Variants in SAMD8 observed in about 807,000 individuals in gnomAD.
SAMD8 encodes sterile alpha motif domain containing 8.
A neutral mutation model predicts 42.0 loss-of-function variants in SAMD8; 20 were observed. The ratio of observed to expected loss-of-function variants is 0.48; its 90% CI spans 0.34 to 0.69. The LOEUF is 0.69. Among genes scored for constraint, SAMD8 ranks in the 30% least tolerant of loss-of-function variants. The pLI, the probability that SAMD8 is intolerant of heterozygous loss-of-function variation, is 0.01. For synonymous variants in SAMD8, 162 were observed against 173.0 expected, an observed-to-expected ratio of 0.94 and a Z score of 0.50; for missense variants, 328 against 511.6, an observed-to-expected ratio of 0.64 and a Z score of 3.46.
chr10:75,147,619 G>A (rs560073116), intron 1 of SAMD8, among the ~76,000 whole-genome samples: 2 of 152,132 alleles, frequency 1.3e-5, no homozygotes, highest in African/African-American at 2.4e-5. Context: ...CACCATGCCC[G>A]GCTGGCTTTG....
chr10:75,111,608 G>GC, upstream of SAMD8: 1 of 1,249,436 alleles, frequency 8.0e-7, no homozygotes, highest in South Asian at 3.4e-5. Flanking sequence ...CCCGGGCTCC[G>GC]CCCCCGCCGC....
intron 4 of SAMD8, among the ~76,000 whole-genome samples, chr10:75,169,169 CAAAAAAAAAAAAA>C (rs1023080854): frequency 3.3e-5 from 1 of 30,236 alleles, no homozygotes. Context: ...GACTCCATCT[CAAAAAAAAAAAAA>C]AAAAAAAAAA....
intron 1 of SAMD8, among the ~76,000 whole-genome samples, chr10:75,149,479 C>A (rs184587087): frequency 4.6e-5 from 7 of 152,200 alleles, no homozygotes; most frequent in Admixed American, 4.6e-4. Flanking sequence ...CTATTCAGTT[C>A]TATAATGTAA....
At chr10:75,103,645 A>T (rs1440436823) in intron 1 of SAMD8, among the ~76,000 whole-genome samples, 5 of 152,208 alleles carry the variant, frequency 3.3e-5, no homozygotes, top group Non-Finnish European at 5.9e-5. Flanking sequence ...TGGTGGGAAC[A>T]GGGCACACCC....
chr10:75,118,604 G>A (rs576216818), intron 1 of SAMD8, among the ~76,000 whole-genome samples: 130 of 152,270 alleles, frequency 8.5e-4, no homozygotes, highest in South Asian at 8.1e-3. Context: ...AGATCACGCC[G>A]CTGCATTCCA....
chr10:75,137,024 C>T (rs1051485547), intron 1 of SAMD8, among the ~76,000 whole-genome samples: 2 of 152,208 alleles, frequency 1.3e-5, no homozygotes, highest in East Asian at 1.9e-4. Flanking sequence ...TATGGTGACT[C>T]CTCAAAAAAT....
At chr10:75,169,169 CAAAA>C (rs1023080854) in intron 4 of SAMD8, among the ~76,000 whole-genome samples, 9 of 30,236 alleles carry the variant, frequency 3.0e-4, no homozygotes, top group African/African-American at 1.1e-3. Context: ...GACTCCATCT[CAAAA>C]AAAAAAAAAA....
At chr10:75,162,906 A>C (rs1840591268) in intron 2 of SAMD8, among the ~76,000 whole-genome samples, 1 of 152,082 alleles carries the variant, frequency 6.6e-6, no homozygotes, top group South Asian at 2.1e-4. Context: ...AAAGTTGTAC[A>C]AGAGAGGAAT....
chr10:75,162,879 G>C (rs1840590379), intron 2 of SAMD8, among the ~76,000 whole-genome samples: 1 of 152,048 alleles, frequency 6.6e-6, no homozygotes, highest in Non-Finnish European at 1.5e-5. Flanking sequence ...GAATTTATTA[G>C]CTCCAGAGAA....
chr10:75,108,495 C>T (rs1848656494), upstream of SAMD8, among the ~76,000 whole-genome samples: 1 of 152,180 alleles, frequency 6.6e-6, no homozygotes, highest in African/African-American at 2.4e-5. Flanking sequence ...ATTGCTTCAG[C>T]CCTGGAACCT....
At position 75,104,471 on chromosome 10, in the gene SAMD8, G is replaced by A. The variant is rs377588925; in HGVS notation, c.-16+4743G>A. On this transcript the variant is annotated intron_variant, in intron 1 of 3. Transcript: ENST00000447533. ...CTATCCAACTTCCCCAAAGTCAGCT[G>A]CCTGATGGGAAAGATGCTGAGGTCA... is the stretch of plus-strand genomic sequence containing the variant. Among the ~76,000 whole-genome samples, 41 of 152,290 alleles carry A rather than the reference G, an allele frequency of 2.7e-4. No individual in the cohort carries two copies. In the East Asian group the frequency reaches 7.5e-3, roughly 28 times the overall value.
intron 1 of SAMD8, among the ~76,000 whole-genome samples, chr10:75,146,812 C>G (rs1346813953): frequency 6.6e-6 from 1 of 152,096 alleles, no homozygotes; most frequent in Non-Finnish European, 1.5e-5. Context: ...CCTGTAATTC[C>G]TTTGGTACAA....
Position 75,127,377 on chromosome 10 carries a change from G to C in SAMD8, c.-16+15655G>C, listed in dbSNP as rs1307324411. Among the ~76,000 whole-genome samples, 8 of 152,264 alleles carry C rather than the reference G, an allele frequency of 5.3e-5. No individual in the cohort carries two copies. In the Middle Eastern group the frequency reaches 0.02, roughly 388 times the overall value. On this transcript the variant is annotated intron_variant, in intron 1 of 5. Transcript: ENST00000542569. ...ACTTTAAAATGAGATTGCCTAGGTT[G>C]AACAGTTCTCTGTACTACTTGCTAG...
Position 75,150,076 on chromosome 10 carries a change from A to ATC in SAMD8, c.-15-422_-15-421dup, listed in dbSNP as rs749960015. On this transcript the variant is annotated intron_variant, in intron 1 of 5. Transcript: ENST00000542569. Reference sequence around the variant, plus strand: ...TATGTGTGCGTGTGTGTGTGTGTACATCTCTCTCTCTCTCTCTACATATAT... The same window carrying ATC: ...TATGTGTGCGTGTGTGTGTGTGTACATCTCTCTCTCTCTCTCTCTACATATAT... Among the ~76,000 whole-genome samples the ATC allele has an allele frequency of 6.1e-4, 90 of 147,782 alleles. 1 individual carries two copies. The highest frequency in any genetic ancestry group is 9.6e-4 in the Non-Finnish European group (64 of 66,848).
At chr10:75,103,213 CACATGTAAACTGGTG>C (rs1222070030) in intron 1 of SAMD8, among the ~76,000 whole-genome samples, 2 of 152,234 alleles carry the variant, frequency 1.3e-5, no homozygotes, top group Admixed American at 6.5e-5. Context: ...AGCCAAAAAT[CACATGTAAACTGGTG>C]GCATTGCCAA....
chr10:75,143,003 A>G (rs1254477790), intron 1 of SAMD8, among the ~76,000 whole-genome samples: 4 of 152,162 alleles, frequency 2.6e-5, no homozygotes, highest in Non-Finnish European at 5.9e-5. Flanking sequence ...CCTTACAACA[A>G]GCAAAGTTAA....
At chr10:75,129,623 T>C (rs1448006765) in intron 1 of SAMD8, among the ~76,000 whole-genome samples, 1 of 152,176 alleles carries the variant, frequency 6.6e-6, no homozygotes, top group Admixed American at 6.6e-5. Flanking sequence ...AAAAAGAAGT[T>C]ATATAATCTT....
intron 1 of SAMD8, among the ~76,000 whole-genome samples, chr10:75,135,824 C>T (rs953779382): frequency 3.4e-5 from 5 of 149,034 alleles, no homozygotes; most frequent in South Asian, 4.2e-4. Flanking sequence ...AGACTCCGTC[C>T]GTATCAAAAA....
At position 75,131,914 on chromosome 10, in the gene SAMD8, A is replaced by G. The variant is rs529074976; in HGVS notation, c.-15-18600A>G. On this transcript the variant is annotated intron_variant, in intron 1 of 5. Transcript: ENST00000542569. ...GTGGGGAGCTTTTTAAAAAATGCAG[A>G]TATAAAATTTCTGTCTCTTCTGAGA... is the stretch of plus-strand genomic sequence containing the variant. Among the ~76,000 whole-genome samples, 6 of 152,332 alleles carry G rather than the reference A, an allele frequency of 3.9e-5. No homozygotes were observed. In the East Asian group the frequency reaches 5.8e-4, roughly 15 times the overall value.
Sources: gnomAD v4.1 joint callset for allele counts (sites outside exome capture counted in the v4.1 genomes callset) on GRCh38, gnomAD v4.1.1 for gene constraint, MANE v1.5 for transcripts, NCBI Gene and HGNC (gene_info 2026-07-23, HGNC 2026-07-21) for gene names.